PLXNC1: variants seen among roughly 807,000 people sequenced by gnomAD.
PLXNC1 encodes plexin-C1.
Under a neutral mutation model 178.2 loss-of-function variants are expected in PLXNC1, and 75 were observed. The ratio of observed to expected loss-of-function variants is 0.42; its 90% confidence interval spans 0.35 to 0.51. The LOEUF is 0.51. Among genes scored for constraint, PLXNC1 ranks in the 20% least tolerant of loss-of-function variants. The probability of loss-of-function intolerance (pLI) is 0.02; values close to 1 mark genes in which losing one functional copy is unlikely to be tolerated. For missense variants in PLXNC1, 1,503 were observed against 1,984.4 expected (o/e 0.76, Z 4.61); for synonymous variants, 790 against 779.9 (o/e 1.01, Z -0.22).
At chr12:94,212,296 AAAT>A (rs1963498584) in intron 5 of PLXNC1, among the ~76,000 whole-genome samples, 1 of 151,136 alleles carries the variant, frequency 6.6e-6, no homozygotes. Flanking sequence ...AAAAAAAAAA[AAAT>A]AGAAAAGACA....
intron 9 of PLXNC1, among the ~76,000 whole-genome samples, chr12:94,232,488 A>G (rs1964132510): frequency 6.6e-6 from 1 of 152,136 alleles, no homozygotes; most frequent in South Asian, 2.1e-4. Context: ...AATTTCACAT[A>G]TACCTTGCTG....
At chr12:94,182,261 A>C (rs1034820006) in intron 3 of PLXNC1, among the ~76,000 whole-genome samples, 1 of 151,812 alleles carries the variant, frequency 6.6e-6, no homozygotes, top group Admixed American at 6.6e-5. Flanking sequence ...TGTTAATGAA[A>C]TGTGTTACTG....
At chr12:94,287,488 G>A (rs770162163) in intron 23 of PLXNC1, among the ~76,000 whole-genome samples, 1 of 152,170 alleles carries the variant, frequency 6.6e-6, no homozygotes, top group Non-Finnish European at 1.5e-5. Flanking sequence ...TATTGCACCC[G>A]CACCCTGCTA....
chr12:94,181,123 G>A (rs1962285631), intron 2 of PLXNC1, among the ~76,000 whole-genome samples: 1 of 152,142 alleles, frequency 6.6e-6, no homozygotes, highest in African/African-American at 2.4e-5. Context: ...ATAGAGGCCG[G>A]AAGTGGTGGC....
At chr12:94,159,006 A>G (rs1476134726) in intron 1 of PLXNC1, among the ~76,000 whole-genome samples, 1 of 152,218 alleles carries the variant, frequency 6.6e-6, no homozygotes, top group Non-Finnish European at 1.5e-5. Flanking sequence ...TGTGTTCTAG[A>G]AAGATTACTC....
In PLXNC1 at chr12:94,259,620, C is replaced by T; in HGVS notation, c.3137C>T (p.Ala1046Val). The change falls in exon 19 of 31, where the codon GCC becomes GTC. Residue 1046 changes from alanine to valine, a missense_variant. By Grantham distance (64) the Ala-to-Val change is moderately conservative. Around this residue, in one of 4 missense-constraint regions of PLXNC1, gnomAD observed 639 missense variants for 979.7 expected, o/e 0.65. Transcript: ENST00000258526. ...IFTEDMHNRD[A>V]NDKNESLTAL... The stretch of plus-strand genomic sequence containing the variant: ...TTTTCTTTTTATCAGAACAGAGACG[C>T]CAACGACAAGAATGAAAGTCTCACA... The T allele has an allele frequency of 2.5e-6, 4 of 1,604,178 alleles. No individual in the cohort carries two copies. Among genetic ancestry groups the T allele is most frequent in the Non-Finnish European group, 3.4e-6 (4 of 1,175,006 alleles).
chr12:94,220,304 T>C (rs1415869106), intron 6 of PLXNC1, 141 bp downstream of exon 6: 1 of 735,090 alleles, frequency 1.4e-6, no homozygotes, highest in Non-Finnish European at 2.2e-6. Flanking sequence ...CCACTTTTGC[T>C]CTGGGTCCTC....
At chr12:94,183,545 TC>T (rs563188537) in intron 3 of PLXNC1, among the ~76,000 whole-genome samples, 56 of 152,382 alleles carry the variant, frequency 3.7e-4, no homozygotes, top group African/African-American at 1.3e-3. Flanking sequence ...CTGACTGTGT[TC>T]CCACATGGAG....
chr12:94,303,900 T>G lies in PLXNC1; in HGVS notation c.4527+4T>G. 6.2e-7 allele frequency: 1 copy of G among 1,608,316 alleles called. No homozygotes were observed. The highest frequency in any genetic ancestry group is 8.5e-7 in the Non-Finnish European group (1 of 1,177,034). On this transcript the variant is annotated splice_donor_region_variant and intron_variant, in intron 29 of 30. Coordinates refer to ENST00000258526, the MANE Select transcript of PLXNC1 (RefSeq NM_005761.3). ...ATTTTTAACTCAGGAATCTAAGGTA[T>G]CATTAGAAAGCAGAAATAAGCTTAT...
chr12:94,276,522 G>C (rs1377179548), intron 21 of PLXNC1, among the ~76,000 whole-genome samples: 2 of 152,212 alleles, frequency 1.3e-5, no homozygotes, highest in African/African-American at 2.4e-5. Context: ...CATAGCCGAG[G>C]GGTTTGTGGC....
rs199659628 is a variant in PLXNC1 at position 94,260,788 on chromosome 12, T to C, written c.3398T>C (p.Val1133Ala). ...ATGCTGAGACGCACGGAGTCCGTCG[T>C]CGAAAAACTCCTCACAAACTGGATG... is the stretch of plus-strand genomic sequence containing the variant. Reference protein sequence around the residue: ...KLMLRRTESVVEKLLTNWMSV... With the variant: ...KLMLRRTESVAEKLLTNWMSV... The change falls in exon 20 of 31, where the codon GTC becomes GCC. Residue 1133 changes from valine to alanine, a missense_variant. Physicochemically the swap from Val to Ala is moderately conservative, Grantham distance 64. Coordinates refer to ENST00000258526, the MANE Select transcript of PLXNC1 (RefSeq NM_005761.3). This position sits in a 1 kb window ranked among gnomAD's most constrained non-coding sequence, Gnocchi z 4.4. 6.2e-7 allele frequency: 1 copy of C among 1,614,192 alleles called. No individual in the cohort carries two copies. The highest frequency in any genetic ancestry group is 1.3e-5 in the African/African-American group (1 of 75,056).
At chr12:94,262,490 C>T (rs1965019025) in intron 20 of PLXNC1, 1 of 985,482 alleles carries the variant, frequency 1.0e-6, no homozygotes, top group East Asian at 1.1e-4. Context: ...CAAACAGCCT[C>T]CTTGAGCAAA....
chr12:94,239,820 GC>G (rs1307697326), intron 10 of PLXNC1, among the ~76,000 whole-genome samples: 1 of 152,206 alleles, frequency 6.6e-6, no homozygotes, highest in African/African-American at 2.4e-5. Flanking sequence ...ATTCTGAGAT[GC>G]CTGGGCTCTT....
At chr12:94,232,095 C>T (rs1343280753) in intron 9 of PLXNC1, among the ~76,000 whole-genome samples, 1 of 152,058 alleles carries the variant, frequency 6.6e-6, no homozygotes, top group Non-Finnish European at 1.5e-5. Context: ...ATCACTTCTT[C>T]CCCCCTCCGA....
Position 94,301,037 on chromosome 12 carries a change from A to G in PLXNC1, c.4366A>G (p.Thr1456Ala), listed in dbSNP as rs1024270568. ...GGCATTCATGGATGCATTTTCTCTC[A>G]CAGAGCAGCAACTAGGGAAGGTAAG... The part of the protein sequence containing the change: ...AQAFMDAFSL[T>A]EQQLGKEAPT... Residue 1456 changes from threonine to alanine, a missense_variant, in exon 28 of 31, where the codon ACA becomes GCA. By Grantham distance (58) the Thr-to-Ala change is moderately conservative. Transcript: ENST00000258526. 1.2e-6 allele frequency: 2 copies of G among 1,613,798 alleles called. No homozygotes were observed. The highest frequency in any genetic ancestry group is 1.7e-6 in the Non-Finnish European group (2 of 1,179,752).
chr12:94,185,492 C>T (rs1347331246), intron 3 of PLXNC1, among the ~76,000 whole-genome samples: 1 of 152,226 alleles, frequency 6.6e-6, no homozygotes, highest in African/African-American at 2.4e-5. Context: ...TACTCCCTGC[C>T]TCTCACCGCC....
intron 10 of PLXNC1, among the ~76,000 whole-genome samples, chr12:94,238,167 T>C (rs1162761583): frequency 6.6e-6 from 1 of 152,158 alleles, no homozygotes; most frequent in Non-Finnish European, 1.5e-5. Flanking sequence ...ACCTTGAAAT[T>C]TGATGAGGAA....
At chr12:94,195,840 G>A (rs963146236) in intron 4 of PLXNC1, among the ~76,000 whole-genome samples, 1 of 152,200 alleles carries the variant, frequency 6.6e-6, no homozygotes, top group African/African-American at 2.4e-5. Flanking sequence ...TAACAGAAGG[G>A]TATTTTTAAC....
chr12:94,305,238 C>A lies in PLXNC1; in HGVS notation c.4660C>A (p.His1554Asn). The A allele has an allele frequency of 5.6e-6, 9 of 1,611,340 alleles. No homozygotes were observed. The highest frequency in any genetic ancestry group is 1.1e-5 in the South Asian group (1 of 90,914). ...GLEEAQKQLL[H>N]VKVLFDEKKK... Reference sequence around the variant, plus strand: ...GGAAGAAGCTCAGAAACAACTCTTGCATGTAAAAGTCTTATTTGATGAAAA... The same window carrying A: ...GGAAGAAGCTCAGAAACAACTCTTGAATGTAAAAGTCTTATTTGATGAAAA... The change falls in exon 31 of 31, where the codon CAT becomes AAT. Residue 1554 changes from histidine to asparagine, a missense_variant. His to Asn is a moderately conservative substitution (Grantham distance 68, BLOSUM62 1). Transcript: ENST00000258526.
Sources: gnomAD v4.1 joint callset for allele counts (sites outside exome capture counted in the v4.1 genomes callset) on GRCh38, gnomAD v4.1.1 for gene constraint, gnomAD v4.1.1 regional missense constraint, Gnocchi (gnomAD v3.1) non-coding constraint, MANE v1.5 for transcripts, NCBI Gene and HGNC (gene_info 2026-07-23, HGNC 2026-07-21) for gene names.